The following SPTBN5 variants were observed in gnomAD, a reference collection of about 807,000 sequenced individuals.
The protein encoded by SPTBN5 is spectrin beta chain, non-erythrocytic 5.
SPTBN5 carries 513 observed loss-of-function variants against 477.6 expected under a neutral mutation model. That is an observed-to-expected ratio of 1.07 (90% CI 1.00 to 1.16). The LOEUF (loss-of-function observed/expected upper bound fraction) is 1.16, where lower values mean the gene tolerates loss of function less well. Among genes scored for constraint, SPTBN5 ranks in the 50% most tolerant of loss-of-function variants. SPTBN5 has a pLI of 0.00. For missense variants in SPTBN5, 5,062 were observed against 4,731.8 expected (o/e 1.07, Z -2.05); for synonymous variants, 2,169 against 2,011.7 (o/e 1.08, Z -2.09).
intron 4 of SPTBN5, among the ~76,000 whole-genome samples, chr15:41,888,634 G>T (rs1555471535): frequency 6.6e-6 from 1 of 152,214 alleles, no homozygotes; most frequent in South Asian, 2.1e-4. Flanking sequence ...CTAATTTTTT[G>T]TATTTTAGTT....
intron 44 of SPTBN5, 48 bp downstream of exon 44, chr15:41,862,082 G>C: frequency 7.2e-7 from 1 of 1,397,756 alleles, no homozygotes; most frequent in Non-Finnish European, 9.6e-7. Context: ...GGGGAGGGCA[G>C]GGCGGAGCTG....
chr15:41,856,290 A>AAGGTGCCCAGGCC, intron 53 of SPTBN5, 96 bp downstream of exon 53: 1 of 1,165,384 alleles, frequency 8.6e-7, no homozygotes. Flanking sequence ...GAGGAGACGA[A>AAGGTGCCCAGGCC]AGGTGCCCAG....
In SPTBN5 at chr15:41,858,992, A is replaced by G; in HGVS notation, c.7989-12T>C. ...AGAGCGCCTCCTTCCTGCCAGGAGG[A>G]GAGGCTCATGGGCCTGGAGCCACCC... On this transcript the variant is annotated splice_polypyrimidine_tract_variant and intron_variant, in intron 47 of 67. Coordinates refer to ENST00000320955, the MANE Select transcript of SPTBN5 (RefSeq NM_016642.4). 1 of 1,531,114 alleles carries G rather than the reference A, an allele frequency of 6.5e-7. No individual in the cohort carries two copies. The highest frequency in any genetic ancestry group is 8.8e-7 in the Non-Finnish European group (1 of 1,138,968). The allele number at this position is 1,531,114 out of a possible 1,614,324, so 94.8% of individuals were successfully genotyped here.
Position 41,883,493 on chromosome 15 carries a change from G to A in SPTBN5, c.1521-7C>T, listed in dbSNP as rs369801892. The A allele has an allele frequency of 3.1e-5, 50 of 1,613,256 alleles. No homozygotes were observed. The highest frequency in any genetic ancestry group is 4.0e-5 in the Non-Finnish European group (47 of 1,179,600). ...CACGGTAACTTCCTCCTGCCTAGAGGATATGAGAATAAGGGAGATCTCCTC... is the reference window on the plus strand; with the variant it reads ...CACGGTAACTTCCTCCTGCCTAGAGAATATGAGAATAAGGGAGATCTCCTC... On this transcript the variant is annotated splice_polypyrimidine_tract_variant and splice_region_variant and intron_variant, in intron 7 of 67. Coordinates refer to ENST00000320955, the MANE Select transcript of SPTBN5 (RefSeq NM_016642.4).
Position 41,876,601 on chromosome 15 carries a change from G to A in SPTBN5, c.3898C>T (p.Gln1300Ter), listed in dbSNP as rs373368422. 4 of 1,607,812 alleles carry A rather than the reference G, an allele frequency of 2.5e-6. No homozygotes were observed. Among genetic ancestry groups the A allele is most frequent in the Admixed American group, 3.4e-5 (2 of 59,202 alleles). The change falls in exon 20 of 68, where the codon CAG (glutamine) becomes TAG (stop). Residue 1300 changes from glutamine (Q) to a stop codon, truncating the protein, a stop_gained. Coordinates refer to ENST00000320955, the MANE Select transcript of SPTBN5 (RefSeq NM_016642.4). LOFTEE classifies it high-confidence loss of function. ...QSIQAQWTRL[Q>*]GRSEQRRRQL... is the part of the protein sequence containing the mutation. Reference sequence around the variant, plus strand: ...CTCCTCCTCTGCTCACTCCTCCCCTGGAGCCTGGTCCACTGTGCCTGGATA... The same window carrying A: ...CTCCTCCTCTGCTCACTCCTCCCCTAGAGCCTGGTCCACTGTGCCTGGATA...
chr15:41,856,491 G>T lies in SPTBN5; in HGVS notation c.8916C>A (p.Ala2972=). Residue 2972 remains alanine, a synonymous_variant, in exon 53 of 68, where the codon GCC becomes GCA. Coordinates refer to ENST00000320955, the MANE Select transcript of SPTBN5 (RefSeq NM_016642.4). ...TGGCCTTCTCCAGCTGCTGCACCCG[G>T]GCGGCCACCTCGTGGGCGGCAAAGT... The part of the protein sequence containing the change: ...AGHFAAHEVA[A]RVQQLEKAMA... 2 of 1,597,640 alleles carry T rather than the reference G, an allele frequency of 1.3e-6. No homozygotes were observed. The highest frequency in any genetic ancestry group is 1.7e-6 in the Non-Finnish European group (2 of 1,173,390).
rs559425407 is a variant in SPTBN5, at chr15:41,856,381, C to T, written c.9021+5G>A. ...CTGCTGTGCCCTGCCCATCACTCCC[C>T]TCACCTCAGTCAGAAACTGCTGGGC... On this transcript the variant is annotated splice_donor_5th_base_variant and intron_variant, in intron 53 of 67. Coordinates refer to ENST00000320955, the MANE Select transcript of SPTBN5 (RefSeq NM_016642.4). The T allele has an allele frequency of 2.2e-4, 340 of 1,567,206 alleles. 1 individual carries two copies. Among genetic ancestry groups the T allele is most frequent in the Admixed American group, 2.8e-4 (16 of 56,912 alleles).
At chr15:41,888,850 G>A (rs890819410) in intron 4 of SPTBN5, among the ~76,000 whole-genome samples, 4 of 152,194 alleles carry the variant, frequency 2.6e-5, no homozygotes, top group Non-Finnish European at 4.4e-5. Context: ...TAGGAAGGAC[G>A]TGCATGGTGC....
intron 40 of SPTBN5, 40 bp downstream of exon 40, chr15:41,863,869 C>T (rs1422083456): frequency 1.9e-6 from 3 of 1,613,054 alleles, no homozygotes; most frequent in African/African-American, 1.3e-5. Flanking sequence ...CCTTCCACCC[C>T]TCTTCCCGGC....
rs1186431940 is a variant in SPTBN5 at position 41,862,667 on chromosome 15, G to A, written c.7264-7C>T. On this transcript the variant is annotated splice_polypyrimidine_tract_variant and splice_region_variant and intron_variant, in intron 42 of 67. Coordinates refer to ENST00000320955, the MANE Select transcript of SPTBN5 (RefSeq NM_016642.4). ...CCACTTCACGCTCTAGGGACTGCGG[G>A]GGAAGCCGGGGTCAGAGGCTGGGGC... The A allele has an allele frequency of 1.3e-6, 2 of 1,548,336 alleles. No individual in the cohort carries two copies. The highest frequency in any genetic ancestry group is 1.9e-5 in the Admixed American group (1 of 52,016).
chr15:41,873,681 C>T, intron 25 of SPTBN5, 73 bp from the exon 26 acceptor site: 2 of 1,459,164 alleles, frequency 1.4e-6, no homozygotes, highest in Middle Eastern at 1.7e-4. Flanking sequence ...GACATCTGCC[C>T]CTGCTCTCCA....
rs367975182 is a variant in SPTBN5 at position 41,858,881 on chromosome 15, G to C, written c.8079+9C>G. On this transcript the variant is annotated intron_variant, in intron 48 of 67. Transcript: ENST00000320955. ...ACCATGACCGCCTCCCTCTCCAAGC[G>C]AGGCGAACCTCCTGGGAGTCCTGCA... The C allele has an allele frequency of 4.5e-6, 7 of 1,571,972 alleles. No homozygotes were observed. Among genetic ancestry groups the C allele is most frequent in the Non-Finnish European group, 5.2e-6 (6 of 1,156,776 alleles).
intron 61 of SPTBN5, 107 bp from the exon 62 acceptor site, chr15:41,852,423 C>T (rs1048508539): frequency 2.8e-6 from 4 of 1,419,878 alleles, no homozygotes; most frequent in Non-Finnish European, 3.8e-6. Context: ...CAGAGGGGGC[C>T]TGCCTCCCCA....
intron 57 of SPTBN5, 62 bp from the exon 58 acceptor site, chr15:41,853,849 T>G: frequency 6.8e-7 from 1 of 1,476,604 alleles, no homozygotes; most frequent in Non-Finnish European, 9.1e-7. Context: ...TGCTCTGCAT[T>G]CAGGAGCACC....
intron 62 of SPTBN5, 28 bp from the exon 63 acceptor site, chr15:41,851,878 TGTCAGGAC>T (rs1222850929): frequency 6.3e-7 from 1 of 1,587,414 alleles, no homozygotes; most frequent in South Asian, 1.1e-5. Flanking sequence ...GGCCCAGAAA[TGTCAGGAC>T]CAGCACCCTC....
Position 41,853,262 on chromosome 15 carries a change from G to A in SPTBN5, c.10166C>T (p.Ala3389Val), listed in dbSNP as rs774490206. 1.6e-5 allele frequency: 26 copies of A among 1,597,608 alleles called. No homozygotes were observed. The highest frequency in any genetic ancestry group is 3.4e-5 in the Admixed American group (2 of 59,532). The change falls in exon 59 of 68, where the codon GCG (alanine) becomes GTG (valine). Residue 3389 changes from alanine to valine, a missense_variant. Physicochemically the swap from Ala to Val is moderately conservative, Grantham distance 64. Coordinates refer to ENST00000320955, the MANE Select transcript of SPTBN5 (RefSeq NM_016642.4). The part of the protein sequence containing the change: ...QLVDNSHFMS[A>V]EVTECLQELE... ...GCCCACCCTCTGAGTTCACACCTCC[G>A]CAGACATGAAGTGGCTGTTGTCCAC...
In SPTBN5 at chr15:41,853,784, C is replaced by T. The variant is rs769376296; in HGVS notation, c.9778G>A (p.Glu3260Lys). The T allele has an allele frequency of 6.4e-7, 1 of 1,560,584 alleles. No homozygotes were observed. Among genetic ancestry groups the T allele is most frequent in the South Asian group, 1.2e-5 (1 of 84,986 alleles). Reference sequence around the variant, plus strand: ...ACCTCCTTCTCCATAGCTTCCAGCTCTCTCTGCAACCAGAGCATGAGATCA... The same window carrying T: ...ACCTCCTTCTCCATAGCTTCCAGCTTTCTCTGCAACCAGAGCATGAGATCA... ...LQQQHRRLER[E>K]LEAMEKEVAR... The change falls in exon 58 of 68, where the codon GAG (glutamate) becomes AAG (lysine). Residue 3260 changes from glutamate (E) to lysine (K), a missense_variant. Glu to Lys is a moderately conservative substitution (Grantham distance 56, BLOSUM62 1). Transcript: ENST00000320955.
chr15:41,863,618 G>A (rs1228195868), intron 41 of SPTBN5, 86 bp downstream of exon 41: 2 of 1,051,324 alleles, frequency 1.9e-6, no homozygotes, highest in Non-Finnish European at 2.9e-6. Flanking sequence ...AGTGAGGGGG[G>A]AGACGCATGG....
rs748539119 is a variant in SPTBN5 at position 41,848,615 on chromosome 15, C to T, written c.*1G>A. 6 of 1,613,786 alleles carry T rather than the reference C, an allele frequency of 3.7e-6. No individual in the cohort carries two copies. The highest frequency in any genetic ancestry group is 5.1e-6 in the Non-Finnish European group (6 of 1,179,854). ...AGTTTGGTGTTGCACTGGGGTTCAC[C>T]TCAGGGATCAGACCTGTTGGGAAAA... is the stretch of plus-strand genomic sequence containing the variant. On this transcript the variant is annotated 3_prime_UTR_variant, in exon 68 of 68. Coordinates refer to ENST00000320955, the MANE Select transcript of SPTBN5 (RefSeq NM_016642.4).
Sources: gnomAD v4.1 joint callset for allele counts (sites outside exome capture counted in the v4.1 genomes callset) on GRCh38, gnomAD v4.1.1 for gene constraint, MANE v1.5 for transcripts, NCBI Gene and HGNC (gene_info 2026-07-23, HGNC 2026-07-21) for gene names.